METAP1D: variants seen among roughly 807,000 people sequenced by gnomAD.
The protein encoded by METAP1D is methionyl aminopeptidase type 1D, mitochondrial.
Under a neutral mutation model 40.5 loss-of-function variants are expected in METAP1D, and 31 were observed. That is an observed-to-expected ratio of 0.77 (90% confidence interval 0.58 to 1.03). The LOEUF is 1.03. Ranked by LOEUF, METAP1D falls within the 50% of genes least tolerant of loss-of-function variation. The pLI is 0.00. For missense variants in METAP1D, 411 were observed against 420.7 expected, an observed-to-expected ratio of 0.98 and a Z score of 0.20; for synonymous variants, 151 against 146.4, an observed-to-expected ratio of 1.03 and a Z score of -0.22.
intron 1 of METAP1D, among the ~76,000 whole-genome samples, chr2:172,054,034 T>A (rs1186785268): frequency 6.6e-6 from 1 of 152,144 alleles, no homozygotes; most frequent in Admixed American, 6.5e-5. Context: ...AAACTCACAT[T>A]TTCAGGGATA....
chr2:172,036,070 C>T (rs1689368995), intron 1 of METAP1D, among the ~76,000 whole-genome samples: 1 of 152,026 alleles, frequency 6.6e-6, no homozygotes, highest in African/African-American at 2.4e-5. Context: ...GTAATGCCAG[C>T]ACTTTGGGAG....
In METAP1D at chr2:172,078,676, C is replaced by A. The variant is rs536248218; in HGVS notation, c.803-539C>A. 3.3e-5 allele frequency among the ~76,000 whole-genome samples: 5 copies of A among 152,328 alleles called. No individual in the cohort carries two copies. The South Asian group carries it at 1.0e-3, about 32-fold the overall frequency. ...AAACCCTCTTTGGACCAAAGAGCCC[C>A]CACCTAGGCAGCTCAAGAGGTTCAG... On this transcript the variant is annotated intron_variant, in intron 7 of 9. Coordinates refer to ENST00000315796, the MANE Select transcript of METAP1D (RefSeq NM_199227.3).
At chr2:172,079,858 G>C (rs552557626) in intron 8 of METAP1D, among the ~76,000 whole-genome samples, 4 of 152,280 alleles carry the variant, frequency 2.6e-5, no homozygotes, top group Non-Finnish European at 4.4e-5. Context: ...ATTAAAGCTT[G>C]ATTAAAATGC....
chr2:172,063,866 G>A lies in METAP1D; in HGVS notation c.348+6G>A, dbSNP rs772101620. On this transcript the variant is annotated splice_donor_region_variant and intron_variant, in intron 3 of 9. Transcript: ENST00000315796. ...TGGCTGGGAAGAGTTTAAAGGTGGC[G>A]TCTCACCAAGCCTCAGAACGACTTA... The A allele has an allele frequency of 3.2e-5, 52 of 1,604,578 alleles. No individual in the cohort carries two copies. The highest frequency in any genetic ancestry group is 8.1e-5 in the African/African-American group (6 of 74,208).
Position 172,006,924 on chromosome 2 carries a change from C to T in METAP1D, c.40+6915C>T, listed in dbSNP as rs1252588752. On this transcript the variant is annotated intron_variant, in intron 1 of 9. Transcript: ENST00000315796. The stretch of plus-strand genomic sequence containing the variant: ...ATAGGGAGCCATTTTTTTCTTCTTA[C>T]GTTGTACATATCAGTTCTAGAATTT... 1.2e-4 allele frequency among the ~76,000 whole-genome samples: 18 copies of T among 152,192 alleles called. No individual in the cohort carries two copies. The East Asian group carries it at 2.1e-3, about 18-fold the overall frequency.
At chr2:172,011,585 A>C (rs1047792817) in intron 1 of METAP1D, among the ~76,000 whole-genome samples, 2 of 152,126 alleles carry the variant, frequency 1.3e-5, no homozygotes, top group Non-Finnish European at 2.9e-5. Context: ...CGCCCGGCCT[A>C]ATCTTTCTGT....
At chr2:172,070,045 A>G (rs1445939770) in intron 5 of METAP1D, among the ~76,000 whole-genome samples, 1 of 152,184 alleles carries the variant, frequency 6.6e-6, no homozygotes, top group East Asian at 1.9e-4. Context: ...AAATTTATGC[A>G]AAGTAGCAAA....
At chr2:172,008,877 A>G (rs2105375496) in intron 1 of METAP1D, among the ~76,000 whole-genome samples, 1 of 152,328 alleles carries the variant, frequency 6.6e-6, no homozygotes, top group South Asian at 2.1e-4. Flanking sequence ...ACATGATGTC[A>G]GAAGCAGAGA....
intron 7 of METAP1D, 52 bp from the exon 8 acceptor site, chr2:172,079,163 T>C: frequency 6.3e-7 from 1 of 1,594,464 alleles, no homozygotes; most frequent in Non-Finnish European, 8.6e-7. Flanking sequence ...CTGTTTTTTT[T>C]TTCTGTCCTC....
rs1220481368 is a variant in METAP1D at position 172,080,310 on chromosome 2, C to T, written c.930-18C>T. 1 of 1,614,178 alleles carries T rather than the reference C, an allele frequency of 6.2e-7. No individual in the cohort carries two copies. Among genetic ancestry groups the T allele is most frequent in the African/African-American group, 1.3e-5 (1 of 75,066 alleles). ...GGAGCTTGCGTGCGCGTTCTGACGGCTGGGTGCTGTGTTACAGGTCGGCGC... is the reference window on the plus strand; with the variant it reads ...GGAGCTTGCGTGCGCGTTCTGACGGTTGGGTGCTGTGTTACAGGTCGGCGC... On this transcript the variant is annotated intron_variant, in intron 9 of 9. Coordinates refer to ENST00000315796, the MANE Select transcript of METAP1D (RefSeq NM_199227.3).
At chr2:172,045,848 T>C (rs1484411524) in intron 1 of METAP1D, among the ~76,000 whole-genome samples, 1 of 112,402 alleles carries the variant, frequency 8.9e-6, no homozygotes, top group South Asian at 2.8e-4. Context: ...TATATATATA[T>C]ATATATATAT....
At chr2:172,009,196 G>A (rs1053288900) in intron 1 of METAP1D, among the ~76,000 whole-genome samples, 272 of 151,842 alleles carry the variant, frequency 1.8e-3, no homozygotes, top group African/African-American at 6.4e-3. Context: ...GCCCACCACC[G>A]CGCCAGGCTA....
chr2:172,002,068 G>GGTTCTA (rs1688479181), intron 1 of METAP1D, among the ~76,000 whole-genome samples: 2 of 147,526 alleles, frequency 1.4e-5, no homozygotes, highest in African/African-American at 2.5e-5. Flanking sequence ...AAAAAGATCT[G>GGTTCTA]GGTTCCAGTC....
At chr2:172,022,907 CG>C (rs762180142) in intron 1 of METAP1D, among the ~76,000 whole-genome samples, 2 of 152,022 alleles carry the variant, frequency 1.3e-5, no homozygotes. Flanking sequence ...TGTTTGCAGC[CG>C]GGTGTGGTGG....
chr2:172,060,007 C>T lies in METAP1D; in HGVS notation c.41-1491C>T, dbSNP rs563764078. ...CGGAGGTTGCAGTGAGCCAAGATCG[C>T]GCCACTGTACTCCAGCCTGGGCGAC... On this transcript the variant is annotated intron_variant, in intron 1 of 9. Transcript: ENST00000315796. Among the ~76,000 whole-genome samples, 12 of 152,004 alleles carry T rather than the reference C, an allele frequency of 7.9e-5. No homozygotes were observed. The East Asian group carries it at 1.5e-3, about 20-fold the overall frequency.
intron 1 of METAP1D, among the ~76,000 whole-genome samples, chr2:172,028,933 G>C (rs942959072): frequency 6.6e-6 from 1 of 152,082 alleles, no homozygotes; most frequent in Non-Finnish European, 1.5e-5. Flanking sequence ...TATTGTTAAA[G>C]CATCTTTACA....
At chr2:172,043,113 A>ATTT (rs1267920063) in intron 1 of METAP1D, among the ~76,000 whole-genome samples, 401 of 12,642 alleles carry the variant, frequency 0.032, 19 homozygotes, top group African/African-American at 0.05. Context: ...ATATATATAT[A>ATTT]TATATTTTTT....
intron 1 of METAP1D, among the ~76,000 whole-genome samples, chr2:172,026,886 T>C (rs1460255348): frequency 6.6e-6 from 1 of 152,166 alleles, no homozygotes; most frequent in Non-Finnish European, 1.5e-5. Flanking sequence ...TTTTATTATC[T>C]ATATTTACTT....
At chr2:172,080,252 A>G (rs776945540) in intron 9 of METAP1D, 46 bp downstream of exon 9, 8 of 1,613,748 alleles carry the variant, frequency 5.0e-6, no homozygotes, top group Admixed American at 1.7e-5. Flanking sequence ...TGGGAAAGGA[A>G]GATTGGTCCG....
Sources: gnomAD v4.1 joint callset for allele counts (sites outside exome capture counted in the v4.1 genomes callset) on GRCh38, gnomAD v4.1.1 for gene constraint, MANE v1.5 for transcripts, NCBI Gene and HGNC (gene_info 2026-07-23, HGNC 2026-07-21) for gene names.